ERBB4: variants seen among roughly 807,000 people sequenced by gnomAD.
The protein encoded by ERBB4 is receptor tyrosine-protein kinase erbB-4.
In ERBB4, 42 loss-of-function variants were observed where a neutral mutation model predicts 158.0. The ratio of observed to expected loss-of-function variants is 0.27; its 90% CI spans 0.21 to 0.34. The LOEUF is 0.34. Among genes scored for constraint, ERBB4 ranks in the 10% least tolerant of loss-of-function variants. The probability of loss-of-function intolerance (pLI) is 1.00; values close to 1 mark genes in which losing one functional copy is unlikely to be tolerated. For synonymous variants in ERBB4, 583 were observed against 558.7 expected (o/e 1.04, Z -0.61); for missense variants, 1,333 against 1,624.1 (o/e 0.82, Z 3.08).
intron 1 of ERBB4, among the ~76,000 whole-genome samples, chr2:212,360,496 T>A (rs1489405793): frequency 2.6e-5 from 4 of 151,674 alleles, no homozygotes. Flanking sequence ...CTGGAAGTAA[T>A]TTCTTTTTTC....
intron 2 of ERBB4, among the ~76,000 whole-genome samples, chr2:212,041,005 CAG>C (rs2077128290): frequency 6.6e-6 from 1 of 152,066 alleles, no homozygotes; most frequent in Admixed American, 6.6e-5. Flanking sequence ...CAACCAGGAG[CAG>C]AGTCTGAAGA....
At chr2:212,196,430 G>A (rs1450268167) in intron 1 of ERBB4, among the ~76,000 whole-genome samples, 1 of 151,966 alleles carries the variant, frequency 6.6e-6, no homozygotes, top group African/African-American at 2.4e-5. Flanking sequence ...CAGAAGAAGG[G>A]GAGGAGGTGA....
intron 19 of ERBB4, among the ~76,000 whole-genome samples, chr2:211,598,149 G>A (rs1379754065): frequency 1.3e-5 from 2 of 152,056 alleles, no homozygotes; most frequent in East Asian, 1.9e-4. Context: ...TTTAGACCAC[G>A]CATCTCTCCA....
At chr2:211,562,842 G>C (rs997759975) in intron 19 of ERBB4, among the ~76,000 whole-genome samples, 4 of 145,982 alleles carry the variant, frequency 2.7e-5, no homozygotes, top group Non-Finnish European at 4.5e-5. Flanking sequence ...CGGGATCTCG[G>C]CTCACTGCAA....
At chr2:212,138,384 T>C (rs2080340075) in intron 1 of ERBB4, among the ~76,000 whole-genome samples, 1 of 152,146 alleles carries the variant, frequency 6.6e-6, no homozygotes, top group African/African-American at 2.4e-5. Flanking sequence ...GTGTGGATGT[T>C]TGCCCCCTCC....
chr2:211,590,802 C>T (rs1237666958), intron 19 of ERBB4, among the ~76,000 whole-genome samples: 5 of 152,158 alleles, frequency 3.3e-5, no homozygotes, highest in African/African-American at 7.2e-5. Flanking sequence ...TAAGGCGAAC[C>T]CATTGGGTGC....
At position 211,376,673 on chromosome 2, in the gene ERBB4, G is replaced by A. The variant is rs1419201322; in HGVS notation, c.*6942C>T. On this transcript the variant is annotated 3_prime_UTR_variant, in exon 28 of 28. Coordinates refer to ENST00000342788, the MANE Select transcript of ERBB4 (RefSeq NM_005235.3). Reference sequence around the variant, plus strand: ...CCCTCTCTCACCCAAACTGATGTCAGTAAATTACTTTGATGCATGTATAAG... The same window carrying A: ...CCCTCTCTCACCCAAACTGATGTCAATAAATTACTTTGATGCATGTATAAG... 8.6e-6 allele frequency: 2 copies of A among 232,966 alleles called. No individual in the cohort carries two copies. The highest frequency in any genetic ancestry group is 1.7e-5 in the Non-Finnish European group (2 of 117,578). 14.4% of individuals were successfully genotyped at this position (232,966 alleles called of 1,614,324 possible).
chr2:212,162,488 C>G (rs567668953), intron 1 of ERBB4, among the ~76,000 whole-genome samples: 14 of 151,916 alleles, frequency 9.2e-5, no homozygotes, highest in African/African-American at 2.9e-4. Flanking sequence ...TAAGTATTTG[C>G]ACTACACAAT....
In ERBB4 at chr2:211,772,924, C is replaced by CATAT. The variant is rs1159274288; in HGVS notation, c.556+15097_556+15100dup. On this transcript the variant is annotated intron_variant, in intron 4 of 27. Transcript: ENST00000342788. ...ATATATATATACACACACACACACA[C>CATAT]ATATATATATATATATATATATATA... Among the ~76,000 whole-genome samples the CATAT allele has an allele frequency of 9.5e-3, 349 of 36,696 alleles. 10 individuals carry two copies. The highest frequency in any genetic ancestry group is 0.048 in the East Asian group (36 of 752). The allele number at this position is 36,696 out of a possible 152,430, so 24.1% of individuals were successfully genotyped here.
At chr2:211,713,412 AG>A in intron 8 of ERBB4, 122 bp downstream of exon 8, 1 of 697,858 alleles carries the variant, frequency 1.4e-6, no homozygotes, top group South Asian at 1.6e-5. Context: ...AATTATGGAA[AG>A]CGTGTGGGTA....
In ERBB4 at chr2:212,476,132, TACTC is replaced by T. The variant is rs1452771266; in HGVS notation, c.82+62313_82+62316del. ...CACATCCCCACCAAACACACATACATACTCTCTCTCTCTCTCTCTGTCACACACA... is the reference window on the plus strand; with the variant it reads ...CACATCCCCACCAAACACACATACATTCTCTCTCTCTCTCTGTCACACACA... On this transcript the variant is annotated intron_variant, in intron 1 of 27. Coordinates refer to ENST00000342788, the MANE Select transcript of ERBB4 (RefSeq NM_005235.3). Among the ~76,000 whole-genome samples, 3 of 144,318 alleles carry T rather than the reference TACTC, an allele frequency of 2.1e-5. No homozygotes were observed. In the South Asian group the frequency reaches 6.7e-4, roughly 32 times the overall value. 94.7% of individuals were successfully genotyped at this position (144,318 alleles called of 152,430 possible).
intron 19 of ERBB4, among the ~76,000 whole-genome samples, chr2:211,567,491 G>A (rs923711890): frequency 4.6e-5 from 7 of 152,136 alleles, no homozygotes; most frequent in African/African-American, 1.4e-4. Flanking sequence ...ACTGAGGGTA[G>A]TATTTGATAA....
chr2:211,601,128 G>A (rs1014903548), intron 19 of ERBB4, among the ~76,000 whole-genome samples: 2 of 151,974 alleles, frequency 1.3e-5, no homozygotes, highest in Admixed American at 6.5e-5. Context: ...TATCAACCAA[G>A]TATCATGCAT....
chr2:212,282,796 C>T lies in ERBB4; in HGVS notation c.83-157893G>A, dbSNP rs372695837. On this transcript the variant is annotated intron_variant, in intron 1 of 27. Coordinates refer to ENST00000342788, the MANE Select transcript of ERBB4 (RefSeq NM_005235.3). Reference sequence around the variant, plus strand: ...TGGTAATTAGCCAAGTTTAGGAAACCTTGACAATATCACTGGAAGTAACAG... The same window carrying T: ...TGGTAATTAGCCAAGTTTAGGAAACTTTGACAATATCACTGGAAGTAACAG... Among the ~76,000 whole-genome samples the T allele has an allele frequency of 3.3e-5, 5 of 151,972 alleles. No individual in the cohort carries two copies. The East Asian group carries it at 9.7e-4, about 30-fold the overall frequency.
At chr2:212,335,785 A>T (rs1247828020) in intron 1 of ERBB4, among the ~76,000 whole-genome samples, 1 of 152,006 alleles carries the variant, frequency 6.6e-6, no homozygotes, top group Non-Finnish European at 1.5e-5. Context: ...GTGAGAGAGC[A>T]AGCGTATGGT....
chr2:212,132,013 G>T (rs956887240), intron 1 of ERBB4, among the ~76,000 whole-genome samples: 4 of 152,222 alleles, frequency 2.6e-5, no homozygotes, highest in African/African-American at 4.8e-5. Context: ...TTTTGTGTGT[G>T]GGTGTGTCTG....
At chr2:212,117,210 C>A (rs986400494) in intron 2 of ERBB4, among the ~76,000 whole-genome samples, 4 of 152,224 alleles carry the variant, frequency 2.6e-5, no homozygotes, top group South Asian at 4.1e-4. Context: ...TCTCACCCTG[C>A]TAAGAGGTCA....
At chr2:212,147,565 A>T (rs2080723899) in intron 1 of ERBB4, among the ~76,000 whole-genome samples, 1 of 152,176 alleles carries the variant, frequency 6.6e-6, no homozygotes, top group African/African-American at 2.4e-5. Flanking sequence ...TGAAGCACTC[A>T]CAAACTACTA....
intron 1 of ERBB4, among the ~76,000 whole-genome samples, chr2:212,430,447 T>A (rs370838607): frequency 2.0e-5 from 3 of 151,706 alleles, no homozygotes; most frequent in Admixed American, 6.6e-5. Flanking sequence ...TTTTTTTTTT[T>A]TTCTTTTCTT....
Sources: allele counts gnomAD v4.1 joint callset (sites outside exome capture counted in the v4.1 genomes callset), GRCh38; gene constraint gnomAD v4.1.1; transcripts MANE v1.5; gene names NCBI Gene and HGNC (gene_info 2026-07-23, HGNC 2026-07-21).